Variants in XKR6 observed in about 807,000 individuals in gnomAD.
XKR6 encodes the protein XK-related protein 6.
Under a neutral mutation model 56.7 loss-of-function variants are expected in XKR6, and 22 were observed. The observed-to-expected ratio is 0.39, with a 90% CI of 0.28 to 0.55. The LOEUF is 0.55. Among genes scored for constraint, XKR6 ranks in the 20% least tolerant of loss-of-function variants. The pLI, the probability that XKR6 is intolerant of heterozygous loss-of-function variation, is 0.66. For missense variants in XKR6, 852 were observed against 889.0 expected (o/e 0.96, Z 0.53); for synonymous variants, 524 against 387.8 (o/e 1.35, Z -4.13).
intron 2 of XKR6, among the ~76,000 whole-genome samples, chr8:10,899,328 C>T (rs1434150880): frequency 2.0e-5 from 3 of 152,262 alleles, no homozygotes; most frequent in Non-Finnish European, 4.4e-5. Context: ...GAGAAGCCCA[C>T]AGGAGGAATC....
chr8:11,139,842 TTAC>T (rs1396188745), intron 1 of XKR6, among the ~76,000 whole-genome samples: 1 of 151,972 alleles, frequency 6.6e-6, no homozygotes, highest in Non-Finnish European at 1.5e-5. Context: ...CCACACAAAC[TTAC>T]TACGAGAGAA....
At chr8:11,040,104 G>C (rs932516954) in intron 1 of XKR6, among the ~76,000 whole-genome samples, 2 of 152,058 alleles carry the variant, frequency 1.3e-5, no homozygotes, top group African/African-American at 4.8e-5. Flanking sequence ...CCTTGGGAAG[G>C]GTGAGACCTT....
At chr8:11,171,199 T>C (rs1226339481) in intron 1 of XKR6, among the ~76,000 whole-genome samples, 8 of 152,250 alleles carry the variant, frequency 5.3e-5, no homozygotes, top group Non-Finnish European at 8.8e-5. Context: ...AGCCGACCTG[T>C]ATATGAGGCA....
At chr8:11,058,135 G>A (rs955730997) in intron 1 of XKR6, among the ~76,000 whole-genome samples, 23 of 152,340 alleles carry the variant, frequency 1.5e-4, no homozygotes, top group African/African-American at 4.6e-4. Context: ...AGCACCCAGC[G>A]TGACCCATGT....
At chr8:11,017,423 C>G (rs933128391) in intron 1 of XKR6, among the ~76,000 whole-genome samples, 12 of 152,260 alleles carry the variant, frequency 7.9e-5, no homozygotes, top group African/African-American at 2.9e-4. Context: ...CTAACCACAA[C>G]GGCAGCTTAG....
At chr8:11,149,475 A>T (rs1586617768) in intron 1 of XKR6, among the ~76,000 whole-genome samples, 1 of 152,228 alleles carries the variant, frequency 6.6e-6, no homozygotes, top group East Asian at 1.9e-4. Flanking sequence ...ATCAGATTTG[A>T]TACTTTACAT....
chr8:11,170,803 T>C (rs1406590913), intron 1 of XKR6, among the ~76,000 whole-genome samples: 1 of 152,224 alleles, frequency 6.6e-6, no homozygotes, highest in Non-Finnish European at 1.5e-5. Flanking sequence ...AACAATAGCA[T>C]CTGTGCATGG....
At chr8:11,101,190 T>G (rs530757935) in intron 1 of XKR6, among the ~76,000 whole-genome samples, 6 of 152,340 alleles carry the variant, frequency 3.9e-5, no homozygotes, top group Admixed American at 2.6e-4. Flanking sequence ...AAGAGATATT[T>G]GGGTAAGTGC....
chr8:11,027,043 G>A (rs928600014), intron 1 of XKR6, among the ~76,000 whole-genome samples: 1 of 152,150 alleles, frequency 6.6e-6, no homozygotes, highest in African/African-American at 2.4e-5. Context: ...ACACCTAAAT[G>A]CTCTGGCCTA....
chr8:10,908,711 A>G (rs1206255439), intron 2 of XKR6, among the ~76,000 whole-genome samples: 1 of 152,118 alleles, frequency 6.6e-6, no homozygotes, highest in Non-Finnish European at 1.5e-5. Flanking sequence ...GTGTCCCCCA[A>G]AAATTCATAT....
chr8:10,914,450 C>G (rs1452878562), intron 2 of XKR6, among the ~76,000 whole-genome samples: 1 of 152,144 alleles, frequency 6.6e-6, no homozygotes, highest in African/African-American at 2.4e-5. Flanking sequence ...GTAGTCTTTC[C>G]TGCAGCTGGA....
rs528424313 is a variant in XKR6, at chr8:11,008,143, C to T, written c.765-83313G>A. ...ACTCTTTCCTTTTACTCTCACGATG[C>T]CCTGTCCTGCTCAAATACCCTCGGT... On this transcript the variant is annotated intron_variant, in intron 1 of 2. Coordinates refer to ENST00000416569, the MANE Select transcript of XKR6 (RefSeq NM_173683.4). 2.6e-5 allele frequency among the ~76,000 whole-genome samples: 4 copies of T among 152,326 alleles called. 1 individual carries two copies. The East Asian group carries it at 5.8e-4, about 22-fold the overall frequency.
At chr8:10,927,191 C>T (rs867846532) in intron 1 of XKR6, among the ~76,000 whole-genome samples, 7 of 152,204 alleles carry the variant, frequency 4.6e-5, no homozygotes, top group African/African-American at 7.2e-5. Flanking sequence ...GCTGATCAAC[C>T]GTGATGGCAG....
intron 1 of XKR6, among the ~76,000 whole-genome samples, chr8:11,021,780 C>T (rs1013166506): frequency 6.6e-6 from 1 of 152,122 alleles, no homozygotes; most frequent in African/African-American, 2.4e-5. Flanking sequence ...GACTGACAGC[C>T]TCCTGAGATA....
At chr8:10,976,049 G>T (rs1057107246) in intron 1 of XKR6, among the ~76,000 whole-genome samples, 1 of 152,086 alleles carries the variant, frequency 6.6e-6, no homozygotes, top group Non-Finnish European at 1.5e-5. Context: ...AATGGCGGGC[G>T]CCTGTAGTCC....
At chr8:11,178,545 AAAATAT>A (rs1475795098) in intron 1 of XKR6, among the ~76,000 whole-genome samples, 4,968 of 78,770 alleles carry the variant, frequency 0.063, 363 homozygotes, top group African/African-American at 0.15. Context: ...CTGAGAGGTA[AAAATAT>A]ATATATATAT....
At position 11,061,416 on chromosome 8, in the gene XKR6, G is replaced by A. The variant is rs752447663; in HGVS notation, c.765-136586C>T. On this transcript the variant is annotated intron_variant, in intron 1 of 2. Transcript: ENST00000416569. ...GGGGAGGCTGAGGATGCAGTGAGTT[G>A]TGATCATGCCACTGCATGCCAGTCA... Among the ~76,000 whole-genome samples the A allele has an allele frequency of 2.6e-4, 39 of 151,810 alleles. 2 individuals carry two copies. Among genetic ancestry groups the A allele is most frequent in the Non-Finnish European group, 8.8e-5 (6 of 67,994 alleles).
intron 1 of XKR6, among the ~76,000 whole-genome samples, chr8:11,114,948 G>A (rs189365324): frequency 3.9e-5 from 6 of 152,152 alleles, no homozygotes; most frequent in East Asian, 1.9e-4. Flanking sequence ...AACAAATACC[G>A]AATGTTTCTA....
chr8:11,120,292 G>A (rs756217213), intron 1 of XKR6, among the ~76,000 whole-genome samples: 16 of 152,110 alleles, frequency 1.1e-4, no homozygotes, highest in East Asian at 3.8e-4. Flanking sequence ...AAACCCCATC[G>A]CCTCAGCCCA....
Sources: allele counts gnomAD v4.1 joint callset (sites outside exome capture counted in the v4.1 genomes callset), GRCh38; gene constraint gnomAD v4.1.1; transcripts MANE v1.5; gene names NCBI Gene and HGNC (gene_info 2026-07-23, HGNC 2026-07-21).